The following RANBP17 variants were observed in gnomAD, a reference collection of about 807,000 sequenced individuals.
RANBP17 encodes RAN binding protein 17.
RANBP17 carries 158 observed loss-of-function variants against 141.2 expected under a neutral mutation model. That is an observed-to-expected ratio of 1.12 (90% confidence interval 0.98 to 1.28). The LOEUF is 1.28. Among genes scored for constraint, RANBP17 ranks in the 50% most tolerant of loss-of-function variants. RANBP17 has a pLI of 0.00. For missense variants in RANBP17, 1,438 were observed against 1,290.7 expected (o/e 1.11, Z -1.75); for synonymous variants, 430 against 450.0 (o/e 0.96, Z 0.56).
At chr5:171,207,865 A>C (rs1353112596) in intron 20 of RANBP17, 1 of 152,232 alleles carries the variant, frequency 6.6e-6, no homozygotes, top group Non-Finnish European at 1.5e-5. Context: ...TTATTTGATA[A>C]TTCAAAAAGC....
chr5:171,205,899 C>T (rs891622649), intron 20 of RANBP17: 5 of 467,040 alleles, frequency 1.1e-5, no homozygotes, highest in South Asian at 7.9e-5. Flanking sequence ...GATAATCTGG[C>T]TAACATCTTT....
At chr5:171,158,283 G>T in intron 14 of RANBP17, 1 of 178,404 alleles carries the variant, frequency 5.6e-6, no homozygotes, top group Non-Finnish European at 1.2e-5. Flanking sequence ...AAGGAGTCTT[G>T]AAATATAAAA....
intron 14 of RANBP17, among the ~76,000 whole-genome samples, chr5:171,014,337 A>G (rs1039408185): frequency 4.6e-5 from 7 of 151,978 alleles, no homozygotes; most frequent in Admixed American, 3.9e-4. Context: ...AATTATTAGT[A>G]TGCTTGGATT....
intron 14 of RANBP17, among the ~76,000 whole-genome samples, chr5:171,026,528 AG>A (rs1781245561): frequency 6.6e-6 from 1 of 152,206 alleles, no homozygotes. Context: ...AAGAGTTTAA[AG>A]TTAGTATCTA....
intron 14 of RANBP17, among the ~76,000 whole-genome samples, chr5:171,108,436 G>A (rs1014931432): frequency 2.6e-5 from 4 of 151,906 alleles, no homozygotes; most frequent in Non-Finnish European, 2.9e-5. Context: ...ATTTTGAGAC[G>A]AGGTCTCACT....
intron 22 of RANBP17, among the ~76,000 whole-genome samples, chr5:171,230,074 G>GA (rs926981674): frequency 2.6e-5 from 4 of 151,640 alleles, no homozygotes; most frequent in Non-Finnish European, 2.9e-5. Context: ...TCAAAAAAAA[G>GA]AAAAAAAAGA....
intron 22 of RANBP17, among the ~76,000 whole-genome samples, chr5:171,233,321 A>G (rs563690139): frequency 2.0e-5 from 3 of 152,380 alleles, no homozygotes; most frequent in African/African-American, 7.2e-5. Context: ...AGAATGGCGC[A>G]GCCACTTTAG....
intron 14 of RANBP17, among the ~76,000 whole-genome samples, chr5:171,008,494 C>T (rs1282671568): frequency 6.6e-6 from 1 of 151,854 alleles, no homozygotes. Flanking sequence ...TGGGTGCAGG[C>T]AGGCTGAGTC....
At chr5:171,076,709 T>C (rs189834212) in intron 14 of RANBP17, among the ~76,000 whole-genome samples, 1 of 152,282 alleles carries the variant, frequency 6.6e-6, no homozygotes, top group Admixed American at 6.5e-5. Flanking sequence ...GCAGATGATA[T>C]CATCTTGTAT....
intron 24 of RANBP17, among the ~76,000 whole-genome samples, chr5:171,263,602 T>G (rs1163531853): frequency 1.3e-5 from 2 of 152,200 alleles, no homozygotes; most frequent in Non-Finnish European, 2.9e-5. Context: ...CACTATTGGA[T>G]GCCCTCAAGT....
chr5:170,938,397 G>T (rs1316688024), intron 12 of RANBP17, among the ~76,000 whole-genome samples: 4 of 152,114 alleles, frequency 2.6e-5, no homozygotes, highest in Non-Finnish European at 5.9e-5. Flanking sequence ...AGTGTTCATA[G>T]TAAACAAAAA....
intron 3 of RANBP17, among the ~76,000 whole-genome samples, chr5:170,882,625 T>G (rs1363527169): frequency 6.6e-6 from 1 of 152,164 alleles, no homozygotes; most frequent in Non-Finnish European, 1.5e-5. Context: ...TATCTTAACT[T>G]GGTATGCAAC....
chr5:171,183,986 G>C (rs1420422273), intron 18 of RANBP17, among the ~76,000 whole-genome samples: 1 of 152,106 alleles, frequency 6.6e-6, no homozygotes, highest in African/African-American at 2.4e-5. Context: ...TGTATGTTGG[G>C]GATGGGGGGA....
chr5:171,265,965 T>A, intron 25 of RANBP17, 118 bp downstream of exon 25: 1 of 748,272 alleles, frequency 1.3e-6, no homozygotes, highest in Non-Finnish European at 2.1e-6. Context: ...GTAAAAAATA[T>A]ATATATATAT....
intron 14 of RANBP17, among the ~76,000 whole-genome samples, chr5:170,987,766 G>A (rs1036109403): frequency 9.9e-5 from 15 of 151,586 alleles, no homozygotes; most frequent in Non-Finnish European, 2.1e-4. Flanking sequence ...TTAAGTGTTG[G>A]TGCAAGAGCA....
At chr5:171,025,566 CT>C (rs142992244) in intron 14 of RANBP17, among the ~76,000 whole-genome samples, 14 of 145,268 alleles carry the variant, frequency 9.6e-5, no homozygotes, top group African/African-American at 1.8e-4. Context: ...GTCCTTAGTC[CT>C]TTTTTTTTTC....
intron 6 of RANBP17, 126 bp downstream of exon 6, chr5:170,909,891 G>A: frequency 8.6e-6 from 5 of 579,158 alleles, no homozygotes; most frequent in Non-Finnish European, 1.5e-5. Flanking sequence ...ACAGACTTAA[G>A]TATAGTAAAT....
At chr5:171,087,450 G>T (rs1228352661) in intron 14 of RANBP17, among the ~76,000 whole-genome samples, 2 of 152,198 alleles carry the variant, frequency 1.3e-5, no homozygotes, top group Non-Finnish European at 2.9e-5. Flanking sequence ...GTTGATTTGG[G>T]GTGGAGAGTA....
intron 14 of RANBP17, among the ~76,000 whole-genome samples, chr5:171,003,832 G>A (rs778498327): frequency 6.6e-6 from 1 of 152,162 alleles, no homozygotes; most frequent in Non-Finnish European, 1.5e-5. Flanking sequence ...AGCAAAGAGA[G>A]GCTGGGACGA....
Sources: allele counts gnomAD v4.1 joint callset (sites outside exome capture counted in the v4.1 genomes callset), GRCh38; gene constraint gnomAD v4.1.1; transcripts MANE v1.5; gene names NCBI Gene and HGNC (gene_info 2026-07-23, HGNC 2026-07-21).